The following IL1RAPL1 variants were observed in gnomAD, a reference collection of about 807,000 sequenced individuals.
IL1RAPL1 encodes the protein interleukin 1 receptor accessory protein like 1, also known as interleukin-1 receptor accessory protein-like 1.
Under a neutral mutation model 48.4 loss-of-function variants are expected in IL1RAPL1, and 3 were observed. The observed-to-expected ratio is 0.06, with a 90% CI of 0.03 to 0.16. The LOEUF (loss-of-function observed/expected upper bound fraction) is 0.16, where lower values mean the gene tolerates loss of function less well. IL1RAPL1 is among the 10% of genes least tolerant of loss of function. The probability of loss-of-function intolerance (pLI) is 1.00; values close to 1 mark genes in which losing one functional copy is unlikely to be tolerated. For missense variants in IL1RAPL1, 349 were observed against 530.6 expected (o/e 0.66, Z 3.36); for synonymous variants, 185 against 187.7 (o/e 0.99, Z 0.12).
intron 6 of IL1RAPL1, among the ~76,000 whole-genome samples, chrX:29,894,626 G>A (rs1032776683): frequency 6.3e-5 from 7 of 111,531 alleles, no homozygotes; most frequent in Non-Finnish European, 1.1e-4. Flanking sequence ...AAAGCAGCAC[G>A]AAATCCCCAG....
intron 5 of IL1RAPL1, among the ~76,000 whole-genome samples, chrX:29,475,345 G>T (rs1934961586): frequency 1.8e-5 from 2 of 111,832 alleles, no homozygotes; most frequent in South Asian, 7.4e-4. Context: ...TTTATAACTT[G>T]AAGTACTCCT....
chrX:29,092,126 A>G (rs1385508842), intron 2 of IL1RAPL1, among the ~76,000 whole-genome samples: 5 of 111,280 alleles, frequency 4.5e-5, no homozygotes, highest in Admixed American at 2.9e-4. Flanking sequence ...GCTTTAATTC[A>G]TGGGGGTTCT....
At chrX:28,991,163 A>G (rs1925593920) in intron 2 of IL1RAPL1, among the ~76,000 whole-genome samples, 1 of 111,935 alleles carries the variant, frequency 8.9e-6, no homozygotes, top group Non-Finnish European at 1.9e-5. Context: ...GAACATATCA[A>G]TAGAAGAAAC....
intron 1 of IL1RAPL1, chrX:28,659,592 C>A: frequency 2.4e-6 from 1 of 408,944 alleles, no homozygotes; most frequent in Non-Finnish European, 4.4e-6. Flanking sequence ...GCGACGGTGG[C>A]GGTGGCGCGG....
chrX:29,607,885 C>T (rs983126373), intron 5 of IL1RAPL1, among the ~76,000 whole-genome samples: 3 of 112,375 alleles, frequency 2.7e-5, no homozygotes, highest in African/African-American at 9.7e-5. Flanking sequence ...TCCAGTCTCT[C>T]CATAAACTCC....
At chrX:29,253,447 T>C (rs1361733123) in intron 2 of IL1RAPL1, among the ~76,000 whole-genome samples, 2 of 111,320 alleles carry the variant, frequency 1.8e-5, no homozygotes, top group Non-Finnish European at 3.8e-5. Context: ...AGCTAAGTAG[T>C]CTATGGAAAA....
chrX:28,828,101 G>A (rs764293519), intron 2 of IL1RAPL1, among the ~76,000 whole-genome samples: 1 of 111,403 alleles, frequency 9.0e-6, no homozygotes, highest in Non-Finnish European at 1.9e-5. Flanking sequence ...TTTCATTGTC[G>A]TAAATTGAAA....
chrX:29,759,237 T>C (rs1928696833), intron 6 of IL1RAPL1, among the ~76,000 whole-genome samples: 1 of 112,189 alleles, frequency 8.9e-6, no homozygotes, highest in African/African-American at 3.2e-5. Flanking sequence ...ATACACGTGG[T>C]TGTTGTAAGG....
At chrX:28,819,739 C>A (rs1936909913) in intron 2 of IL1RAPL1, among the ~76,000 whole-genome samples, 1 of 107,597 alleles carries the variant, frequency 9.3e-6, no homozygotes, top group East Asian at 2.9e-4. Context: ...ATGCAGGTTA[C>A]TTTTTAAGGA....
At chrX:29,167,875 A>C (rs183677938) in intron 2 of IL1RAPL1, among the ~76,000 whole-genome samples, 75 of 110,862 alleles carry the variant, frequency 6.8e-4, no homozygotes, top group African/African-American at 2.4e-3. Context: ...AATTTGTATA[A>C]ATATCACACT....
chrX:29,943,702 A>G (rs1933171900), intron 9 of IL1RAPL1, among the ~76,000 whole-genome samples: 1 of 112,036 alleles, frequency 8.9e-6, no homozygotes, highest in Non-Finnish European at 1.9e-5. Context: ...GAGATGAATC[A>G]TTTTACCAAA....
intron 6 of IL1RAPL1, among the ~76,000 whole-genome samples, chrX:29,906,875 G>C (rs961529271): frequency 4.5e-5 from 5 of 109,951 alleles, no homozygotes; most frequent in African/African-American, 1.7e-4. Context: ...GGTGGGGGGT[G>C]GAGGTAAATT....
intron 5 of IL1RAPL1, among the ~76,000 whole-genome samples, chrX:29,449,466 T>C (rs1160283344): frequency 1.8e-5 from 2 of 110,606 alleles, no homozygotes; most frequent in Non-Finnish European, 3.8e-5. Flanking sequence ...CTATGAGGTG[T>C]GGGTGTACTG....
chrX:28,672,326 TA>T (rs990393243), intron 1 of IL1RAPL1, among the ~76,000 whole-genome samples: 1 of 111,810 alleles, frequency 8.9e-6, no homozygotes, highest in African/African-American at 3.2e-5. Flanking sequence ...ATCTCTCAGT[TA>T]AAAGCTGCTA....
intron 5 of IL1RAPL1, among the ~76,000 whole-genome samples, chrX:29,666,346 A>G (rs1459539044): frequency 2.7e-5 from 3 of 110,631 alleles, no homozygotes; most frequent in African/African-American, 9.8e-5. Flanking sequence ...TCAAAGAGGA[A>G]TGGGTGGCAC....
At chrX:29,178,810 A>G (rs1017532927) in intron 2 of IL1RAPL1, among the ~76,000 whole-genome samples, 4 of 112,098 alleles carry the variant, frequency 3.6e-5, no homozygotes, top group Non-Finnish European at 5.6e-5. Context: ...AGCTTTCTAC[A>G]TATGGCTAGC....
chrX:29,879,355 ATATG>A (rs1268305445), intron 6 of IL1RAPL1, among the ~76,000 whole-genome samples: 1 of 81,416 alleles, frequency 1.2e-5, no homozygotes, highest in African/African-American at 5.0e-5. Context: ...GTAGTTTTAT[ATATG>A]TGTGTGTGTG....
intron 5 of IL1RAPL1, among the ~76,000 whole-genome samples, chrX:29,664,408 A>G: frequency 9.2e-6 from 1 of 108,847 alleles, no homozygotes; most frequent in Admixed American, 9.6e-5. Flanking sequence ...CGTCTCAAAA[A>G]AAAAAAAAAA....
At chrX:29,461,541 T>G (rs914126554) in intron 5 of IL1RAPL1, among the ~76,000 whole-genome samples, 15 of 111,506 alleles carry the variant, frequency 1.3e-4, no homozygotes, top group Middle Eastern at 4.3e-3. Flanking sequence ...AGAAACATGT[T>G]TATACAAACA....
Sources: allele counts gnomAD v4.1 joint callset (sites outside exome capture counted in the v4.1 genomes callset), GRCh38; gene constraint gnomAD v4.1.1; transcripts MANE v1.5; gene names NCBI Gene and HGNC (gene_info 2026-07-23, HGNC 2026-07-21).